Variants in SEC23B observed in about 807,000 individuals in gnomAD.
SEC23B encodes the protein protein transport protein Sec23B.
Under a neutral mutation model 104.3 loss-of-function variants are expected in SEC23B, and 77 were observed. That is an observed-to-expected ratio of 0.74 (90% CI 0.61 to 0.89). SEC23B has a LOEUF of 0.89. SEC23B is among the 40% of genes least tolerant of loss of function. SEC23B has a pLI of 0.00. For synonymous variants in SEC23B, 338 were observed against 332.5 expected (o/e 1.02, Z -0.18); for missense variants, 885 against 949.4 (o/e 0.93, Z 0.89).
Position 18,522,808 on chromosome 20 carries a change from A to G in SEC23B, c.367-1625A>G, listed in dbSNP as rs560149133. On this transcript the variant is annotated intron_variant, in intron 4 of 19. Transcript: ENST00000650089. ...CGTGGTGGCTCACACACGTAATCCC[A>G]GCACTTTGAGGGGCTGAGGCGGGGG... is the stretch of plus-strand genomic sequence containing the variant. 5.3e-5 allele frequency among the ~76,000 whole-genome samples: 8 copies of G among 152,256 alleles called. No homozygotes were observed. The East Asian group carries it at 1.5e-3, about 29-fold the overall frequency.
Position 18,532,938 on chromosome 20 carries a change from G to A in SEC23B, c.1314+194G>A, listed in dbSNP as rs952047936. 3.3e-5 allele frequency among the ~76,000 whole-genome samples: 5 copies of A among 152,170 alleles called. No individual in the cohort carries two copies. The South Asian group carries it at 1.0e-3, about 32-fold the overall frequency. ...TGTTCATCCAAAGGGTTAGAGAGAA[G>A]GAAACTGAGGCCCAGAAAGGTTCAG... On this transcript the variant is annotated intron_variant, in intron 11 of 19. Transcript: ENST00000650089.
At chr20:18,558,280 G>A (rs1882093813) in intron 19 of SEC23B, among the ~76,000 whole-genome samples, 1 of 152,152 alleles carries the variant, frequency 6.6e-6, no homozygotes, top group Non-Finnish European at 1.5e-5. Context: ...TTCCCCTGTA[G>A]AGAAGGTGTC....
In SEC23B at chr20:18,515,750, T is replaced by C; in HGVS notation, c.366+14T>C. ...TACGTGATACAGGTAATTTCTTTGT[T>C]GTGCATTTAATGAGCAATGTTAAAT... On this transcript the variant is annotated intron_variant, in intron 4 of 19. Transcript: ENST00000650089. The C allele has an allele frequency of 6.1e-6, 9 of 1,478,832 alleles. No homozygotes were observed. The highest frequency in any genetic ancestry group is 8.5e-6 in the Non-Finnish European group (9 of 1,056,748). The allele number at this position is 1,478,832 out of a possible 1,614,324, so 91.6% of individuals were successfully genotyped here.
intron 17 of SEC23B, among the ~76,000 whole-genome samples, chr20:18,552,021 C>G (rs1453563481): frequency 6.6e-6 from 1 of 152,088 alleles, no homozygotes; most frequent in Admixed American, 6.5e-5. Flanking sequence ...GGTTCATGCC[C>G]TGAGAAAGGG....
chr20:18,550,306 C>T (rs2060376221), intron 16 of SEC23B, among the ~76,000 whole-genome samples: 1 of 151,974 alleles, frequency 6.6e-6, no homozygotes, highest in Non-Finnish European at 1.5e-5. Context: ...AGGCACGTGC[C>T]ACTACAGCCC....
rs763267633 is a variant in SEC23B, at chr20:18,539,210, TA to T, written c.1405-3073del. Among the ~76,000 whole-genome samples the T allele has an allele frequency of 8.2e-3, 779 of 94,954 alleles. 1 individual carries two copies. Among genetic ancestry groups the T allele is most frequent in the Middle Eastern group, 0.041 (4 of 98 alleles). 62.3% of individuals were successfully genotyped at this position (94,954 alleles called of 152,430 possible). On this transcript the variant is annotated intron_variant, in intron 12 of 19. Coordinates refer to ENST00000650089, the MANE Select transcript of SEC23B (RefSeq NM_006363.6). ...CTGGGAGACAGAGCAAGACTCCGTCTAAAAAAAAAAAAAGGCCGGGTGCGGT... is the reference window on the plus strand; with the variant it reads ...CTGGGAGACAGAGCAAGACTCCGTCTAAAAAAAAAAAAGGCCGGGTGCGGT...
In SEC23B at chr20:18,541,763, T is replaced by C. The variant is rs192599493; in HGVS notation, c.1405-533T>C. 2.0e-4 allele frequency among the ~76,000 whole-genome samples: 31 copies of C among 152,256 alleles called. No individual in the cohort carries two copies. The East Asian group carries it at 5.4e-3, about 27-fold the overall frequency. On this transcript the variant is annotated intron_variant, in intron 12 of 19. Transcript: ENST00000650089. ...CACCATAGCAGATATATAATAATAA[T>C]GAAAAAGTTGGAAATATTGTGAGAA... is the stretch of plus-strand genomic sequence containing the variant.
Position 18,508,334 on chromosome 20 carries a change from T to C in SEC23B, c.-15+362T>C, listed in dbSNP as rs1015406426. ...CCCTTCAAGGATTAAACCTCACTTATTCTTACATACACATGGTCACTGTGT... is the reference window on the plus strand; with the variant it reads ...CCCTTCAAGGATTAAACCTCACTTACTCTTACATACACATGGTCACTGTGT... On this transcript the variant is annotated intron_variant, in intron 1 of 19. Transcript: ENST00000650089. The C allele has an allele frequency of 2.6e-5, 4 of 152,378 alleles. No homozygotes were observed. The East Asian group carries it at 7.7e-4, about 29-fold the overall frequency. 9.4% of individuals were successfully genotyped at this position (152,378 alleles called of 1,614,324 possible). A position where few individuals can be genotyped will look rare whatever the true frequency, so the allele number is the denominator to read the frequency against.
chr20:18,510,484 G>T (rs1230875599), intron 1 of SEC23B, among the ~76,000 whole-genome samples: 1 of 152,246 alleles, frequency 6.6e-6, no homozygotes, highest in Non-Finnish European at 1.5e-5. Context: ...TGTTAGTTGG[G>T]CCGGGTACAG....
At chr20:18,531,777 C>T (rs373025936) in intron 10 of SEC23B, among the ~76,000 whole-genome samples, 10 of 147,970 alleles carry the variant, frequency 6.8e-5, no homozygotes, top group Non-Finnish European at 1.2e-4. Flanking sequence ...AGGCCAGGCA[C>T]GGTGGCTCAT....
intron 4 of SEC23B, among the ~76,000 whole-genome samples, chr20:18,523,645 C>T (rs939178409): frequency 2.6e-5 from 4 of 151,624 alleles, no homozygotes; most frequent in Admixed American, 2.6e-4. Context: ...TCGTGATCCA[C>T]CTGTCTTGGC....
chr20:18,536,229 A>C (rs1256786992), intron 12 of SEC23B, among the ~76,000 whole-genome samples: 1 of 152,258 alleles, frequency 6.6e-6, no homozygotes, highest in Admixed American at 6.5e-5. Flanking sequence ...AAAGCAAGTC[A>C]CATGAATATT....
intron 8 of SEC23B, 118 bp from the exon 9 acceptor site, chr20:18,527,378 A>C (rs1000167167): frequency 1.3e-6 from 1 of 766,268 alleles, no homozygotes; most frequent in Admixed American, 1.8e-5. Flanking sequence ...ACTCTGTCAC[A>C]AAAAGAGAAA....
chr20:18,508,397 A>G (rs1022970924), intron 1 of SEC23B: 7 of 152,302 alleles, frequency 4.6e-5, no homozygotes, highest in African/African-American at 1.7e-4. Context: ...AGGGTGGTTC[A>G]GATTTTTTGG....
Position 18,543,731 on chromosome 20 carries a change from AC to A in SEC23B, c.1665+561del, listed in dbSNP as rs1342542380. On this transcript the variant is annotated intron_variant, in intron 14 of 19. Coordinates refer to ENST00000650089, the MANE Select transcript of SEC23B (RefSeq NM_006363.6). ...GCCCTTCTCCCCAGGGCTGATCCAGACCTAGTTGGGAGGGCATGGCCATGGC... is the reference window on the plus strand; with the variant it reads ...GCCCTTCTCCCCAGGGCTGATCCAGACTAGTTGGGAGGGCATGGCCATGGC... Among the ~76,000 whole-genome samples the A allele has an allele frequency of 2.7e-5, 4 of 149,840 alleles. No homozygotes were observed. In the South Asian group the frequency reaches 8.3e-4, roughly 31 times the overall value.
chr20:18,548,548 TG>T, intron 15 of SEC23B, 60 bp from the exon 16 acceptor site: 1 of 1,530,618 alleles, frequency 6.5e-7, no homozygotes, highest in Non-Finnish European at 9.0e-7. Flanking sequence ...AGATCTACTC[TG>T]TGGGTGTCTA....
chr20:18,547,160 C>T (rs117499479), intron 15 of SEC23B, among the ~76,000 whole-genome samples: 2,097 of 152,128 alleles, frequency 0.014, 25 homozygotes, highest in South Asian at 0.042. Flanking sequence ...AGGAAAGAGG[C>T]CAACAGCCCA....
At chr20:18,527,116 C>G (rs1371104239) in intron 8 of SEC23B, among the ~76,000 whole-genome samples, 1 of 152,240 alleles carries the variant, frequency 6.6e-6, no homozygotes, top group African/African-American at 2.4e-5. Flanking sequence ...ACTCGGGAGG[C>G]TGAGGCACGA....
At chr20:18,555,887 T>C (rs1300925353) in intron 19 of SEC23B, among the ~76,000 whole-genome samples, 1 of 151,972 alleles carries the variant, frequency 6.6e-6, no homozygotes, top group Non-Finnish European at 1.5e-5. Context: ...TGTTACATTG[T>C]AATATATAAT....
Sources: allele counts gnomAD v4.1 joint callset (sites outside exome capture counted in the v4.1 genomes callset), GRCh38; gene constraint gnomAD v4.1.1; transcripts MANE v1.5; gene names NCBI Gene and HGNC (gene_info 2026-07-23, HGNC 2026-07-21).